CACNA2D3: variants seen among roughly 807,000 people sequenced by gnomAD.
CACNA2D3 encodes the protein calcium voltage-gated channel auxiliary subunit alpha2delta 3, also known as voltage-dependent calcium channel subunit alpha-2/delta-3.
In CACNA2D3, 60 loss-of-function variants were observed where a neutral mutation model predicts 160.6. The observed-to-expected ratio is 0.37, with a 90% CI of 0.30 to 0.46. CACNA2D3 has a LOEUF of 0.46. Ranked by LOEUF, CACNA2D3 falls within the 20% of genes least tolerant of loss-of-function variation. CACNA2D3 has a pLI of 1.00. For synonymous variants in CACNA2D3, 558 were observed against 492.9 expected (o/e 1.13, Z -1.75); for missense variants, 1,205 against 1,365.0 (o/e 0.88, Z 1.85).
At position 55,018,269 on chromosome 3, in the gene CACNA2D3, G is replaced by A. The variant is rs376433361; in HGVS notation, c.2939G>A (p.Arg980His). ...DTEYPAFVSE[R>H]TIKETTGNIA... ...GAATATCCAGCATTCGTCTCTGAGCGCACCATCAAGGAGACTACAGGGAAT... is the reference window on the plus strand; with the variant it reads ...GAATATCCAGCATTCGTCTCTGAGCACACCATCAAGGAGACTACAGGGAAT... Residue 980 changes from arginine to histidine, a missense_variant, in exon 35 of 38, where the codon CGC (arginine) becomes CAC (histidine). Transcript: ENST00000474759. 4.3e-6 allele frequency: 7 copies of A among 1,612,962 alleles called. No individual in the cohort carries two copies. The highest frequency in any genetic ancestry group is 2.2e-5 in the South Asian group (2 of 90,984).
intron 4 of CACNA2D3, among the ~76,000 whole-genome samples, chr3:54,433,616 G>C (rs990054970): frequency 6.6e-6 from 1 of 152,296 alleles, no homozygotes; most frequent in Middle Eastern, 3.4e-3. Context: ...TAACAAATGA[G>C]CGTAGGAAGA....
chr3:54,989,292 A>C (rs576654981), intron 31 of CACNA2D3, among the ~76,000 whole-genome samples: 10 of 152,320 alleles, frequency 6.6e-5, no homozygotes, highest in African/African-American at 2.4e-4. Context: ...AGAAAGAGAA[A>C]GGGTGTAATG....
chr3:54,175,481 C>T (rs868840266), intron 2 of CACNA2D3, among the ~76,000 whole-genome samples: 3 of 151,836 alleles, frequency 2.0e-5, no homozygotes, highest in South Asian at 2.1e-4. Flanking sequence ...GGCATGGTGG[C>T]GGGCGCCTGT....
At chr3:54,976,716 C>G (rs775977297) in intron 29 of CACNA2D3, among the ~76,000 whole-genome samples, 9 of 152,166 alleles carry the variant, frequency 5.9e-5, no homozygotes, top group Non-Finnish European at 1.3e-4. Flanking sequence ...GGAGGCCACT[C>G]CCCTATTTTT....
At chr3:55,017,046 T>C (rs1703340773) in intron 34 of CACNA2D3, among the ~76,000 whole-genome samples, 1 of 152,228 alleles carries the variant, frequency 6.6e-6, no homozygotes, top group Non-Finnish European at 1.5e-5. Flanking sequence ...ATATTTGGAA[T>C]GTAACATGAG....
intron 3 of CACNA2D3, among the ~76,000 whole-genome samples, chr3:54,327,164 C>T (rs756275452): frequency 7.2e-5 from 11 of 152,322 alleles, no homozygotes; most frequent in East Asian, 1.9e-4. Context: ...CCAGGGTTTC[C>T]GCTAACATAC....
chr3:54,261,922 C>A (rs1376023266), intron 2 of CACNA2D3, among the ~76,000 whole-genome samples: 1 of 152,288 alleles, frequency 6.6e-6, no homozygotes, highest in African/African-American at 2.4e-5. Context: ...ACAGACCCCC[C>A]CATGGTGCCT....
chr3:54,152,263 T>A (rs1203761886), intron 2 of CACNA2D3, among the ~76,000 whole-genome samples: 1 of 152,200 alleles, frequency 6.6e-6, no homozygotes, highest in African/African-American at 2.4e-5. Context: ...GCGGGGGCAT[T>A]GTGCTGTGGT....
At chr3:55,033,679 G>C (rs1445788739) in intron 35 of CACNA2D3, among the ~76,000 whole-genome samples, 1 of 78,544 alleles carries the variant, frequency 1.3e-5, no homozygotes, top group Non-Finnish European at 2.9e-5. Flanking sequence ...AAATATAAAT[G>C]TGTATATATA....
chr3:54,616,292 A>T (rs1035389823), intron 9 of CACNA2D3, among the ~76,000 whole-genome samples: 2 of 152,162 alleles, frequency 1.3e-5, no homozygotes, highest in African/African-American at 4.8e-5. Flanking sequence ...AAGCTAATTC[A>T]TATGGCTCTT....
At chr3:54,707,094 G>A (rs901877088) in intron 11 of CACNA2D3, among the ~76,000 whole-genome samples, 1 of 152,192 alleles carries the variant, frequency 6.6e-6, no homozygotes, top group African/African-American at 2.4e-5. Context: ...GGTAGCAAGT[G>A]AAAGAAGGCA....
intron 34 of CACNA2D3, among the ~76,000 whole-genome samples, chr3:55,015,857 C>T (rs1703316410): frequency 6.6e-6 from 1 of 152,122 alleles, no homozygotes; most frequent in South Asian, 2.1e-4. Context: ...AAAACAGACG[C>T]ACTGAAAAAG....
intron 35 of CACNA2D3, among the ~76,000 whole-genome samples, chr3:55,064,123 G>A (rs1704579037): frequency 6.6e-6 from 1 of 152,174 alleles, no homozygotes; most frequent in Admixed American, 6.5e-5. Context: ...GCAGCCGCAG[G>A]GCTTCTCCCT....
In CACNA2D3 at chr3:54,945,056, C is replaced by G. The variant is rs576965928; in HGVS notation, c.2450-23394C>G. On this transcript the variant is annotated intron_variant, in intron 27 of 37. Coordinates refer to ENST00000474759, the MANE Select transcript of CACNA2D3 (RefSeq NM_018398.3). ...GAGAATGGGGAAGATGACAGTAATTCTAGGCCTTGTTTGGGGGCTATAAGC... is the reference window on the plus strand; with the variant it reads ...GAGAATGGGGAAGATGACAGTAATTGTAGGCCTTGTTTGGGGGCTATAAGC... 3.2e-3 allele frequency among the ~76,000 whole-genome samples: 494 copies of G among 152,252 alleles called. 2 individuals are homozygous for G. The highest frequency in any genetic ancestry group is 0.011 in the African/African-American group (466 of 41,540).
chr3:54,655,311 T>C lies in CACNA2D3; in HGVS notation c.1167+13070T>C, dbSNP rs114267324. On this transcript the variant is annotated intron_variant, in intron 11 of 37. Transcript: ENST00000474759. ...TCTGTAAAATGGGGCTAATTATACATATCTGGCAGTATTATTAAGAATTAA... is the reference window on the plus strand; with the variant it reads ...TCTGTAAAATGGGGCTAATTATACACATCTGGCAGTATTATTAAGAATTAA... Among the ~76,000 whole-genome samples the C allele has an allele frequency of 4.9e-3, 753 of 152,322 alleles. 9 individuals are homozygous for C. The highest frequency in any genetic ancestry group is 0.017 in the African/African-American group (719 of 41,578).
chr3:54,864,447 G>GT (rs1699357948), intron 17 of CACNA2D3, among the ~76,000 whole-genome samples: 2 of 152,162 alleles, frequency 1.3e-5, no homozygotes, highest in South Asian at 2.1e-4. Flanking sequence ...TAATTTTTGT[G>GT]TTTTTTGGTA....
At chr3:54,400,391 C>G (rs540222047) in intron 4 of CACNA2D3, among the ~76,000 whole-genome samples, 1 of 152,160 alleles carries the variant, frequency 6.6e-6, no homozygotes, top group South Asian at 2.1e-4. Flanking sequence ...CCCACGACTC[C>G]TCTTCCATGG....
rs1030737396 is a variant in CACNA2D3, at chr3:55,021,659, G to A, written c.2987+3342G>A. The stretch of plus-strand genomic sequence containing the variant: ...TATATATATATGTGTATATATATAT[G>A]TGTGTGTATATATATATGTGTATAT... On this transcript the variant is annotated intron_variant, in intron 35 of 37. Transcript: ENST00000474759. 2.5e-3 allele frequency among the ~76,000 whole-genome samples: 161 copies of A among 65,514 alleles called. 1 individual carries two copies. The highest frequency in any genetic ancestry group is 7.2e-3 in the African/African-American group (147 of 20,384). 43.0% of individuals were successfully genotyped at this position (65,514 alleles called of 152,430 possible).
chr3:54,646,194 G>C (rs58952536), intron 11 of CACNA2D3, among the ~76,000 whole-genome samples: 1,445 of 13,212 alleles, frequency 0.11, 190 homozygotes, highest in Non-Finnish European at 0.18. Flanking sequence ...CTCCTTCCTT[G>C]CTTCCTTCCT....
Sources: gnomAD v4.1 joint callset for allele counts (sites outside exome capture counted in the v4.1 genomes callset) on GRCh38, gnomAD v4.1.1 for gene constraint, MANE v1.5 for transcripts, NCBI Gene and HGNC (gene_info 2026-07-23, HGNC 2026-07-21) for gene names.